The following CLEC12A variants were observed in gnomAD, a reference collection of about 807,000 sequenced individuals.
CLEC12A encodes the protein C-type lectin domain family 12 member A, also known as C-type lectin protein CLL-1.
Under a neutral mutation model 26.5 loss-of-function variants are expected in CLEC12A, and 22 were observed. The observed-to-expected ratio is 0.83, with a 90% CI of 0.59 to 1.19. CLEC12A has a LOEUF of 1.19. Among genes scored for constraint, CLEC12A ranks in the 50% most tolerant of loss-of-function variants. The pLI is 0.00. For missense variants in CLEC12A, 353 were observed against 315.6 expected (o/e 1.12, Z -0.90); for synonymous variants, 119 against 101.9 (o/e 1.17, Z -1.01).
At chr12:9,997,269 C>T (rs761327813), downstream of CLEC12A, 5 of 1,611,036 alleles carry the variant, frequency 3.1e-6, no homozygotes, top group Non-Finnish European at 4.2e-6. Context: ...GGTAATTGCG[C>T]TGCATGACAG....
intron 4 of CLEC12A, chr12:9,992,365 A>C (rs940752349): frequency 1.3e-5 from 2 of 152,224 alleles, no homozygotes; most frequent in East Asian, 1.9e-4. Flanking sequence ...CCAGAGGTAG[A>C]CTTGGAATAG....
At chr12:9,961,131 C>G (rs1454897902) in intron 1 of CLEC12A, among the ~76,000 whole-genome samples, 1 of 152,122 alleles carries the variant, frequency 6.6e-6, no homozygotes, top group Non-Finnish European at 1.5e-5. Flanking sequence ...GGTCTGGAAT[C>G]AATAGAAAAG....
At position 9,990,813 on chromosome 12, in the gene CLEC12A, G is replaced by C. The variant is rs575173544; in HGVS notation, n.1005-4205G>C. 9 of 152,200 alleles carry C rather than the reference G, an allele frequency of 5.9e-5. No individual in the cohort carries two copies. The South Asian group carries it at 1.9e-3, about 32-fold the overall frequency. 9.4% of individuals were successfully genotyped at this position (152,200 alleles called of 1,614,324 possible). A position where few individuals can be genotyped will look rare whatever the true frequency, so the allele number is the denominator to read the frequency against. ...AATTGATGCTACAAACTTCACCATTGTCTTATTTTAAAAATAGCCACATCT... is the reference window on the plus strand; with the variant it reads ...AATTGATGCTACAAACTTCACCATTCTCTTATTTTAAAAATAGCCACATCT... On this transcript the variant is annotated intron_variant and non_coding_transcript_variant, in intron 4 of 4. Coordinates refer to the CLEC12A transcript ENST00000449959.
At position 9,957,490 on chromosome 12, in the gene CLEC12A, C is replaced by CA. The variant is rs58810746; in HGVS notation, c.10+6148dup. 6.8e-3 allele frequency among the ~76,000 whole-genome samples: 851 copies of CA among 124,954 alleles called. 7 individuals carry two copies. Among genetic ancestry groups the CA allele is most frequent in the African/African-American group, 0.02 (698 of 35,744 alleles). The allele number at this position is 124,954 out of a possible 152,430, so 82.0% of individuals were successfully genotyped here. ...GTGATGACAGAGTGAGACTTCATCT[C>CA]AAAAAAAAAAAAAACAAAAAAACAA... is the stretch of plus-strand genomic sequence containing the variant. On this transcript the variant is annotated intron_variant, in intron 1 of 6. Coordinates refer to the CLEC12A transcript ENST00000355690.
chr12:9,952,031 TC>T (rs1863619305), intron 1 of CLEC12A: 1 of 151,468 alleles, frequency 6.6e-6, no homozygotes, highest in Admixed American at 6.6e-5. Context: ...GCTACAGAGT[TC>T]TTTGGAGTCT....
chr12:9,999,634 T>G (rs1865131756), downstream of CLEC12A, among the ~76,000 whole-genome samples: 1 of 152,230 alleles, frequency 6.6e-6, no homozygotes, highest in South Asian at 2.1e-4. Flanking sequence ...CATTCCTGAT[T>G]ATGACCTAGA....
chr12:10,000,183 C>T (rs747227920), downstream of CLEC12A, among the ~76,000 whole-genome samples: 1 of 152,242 alleles, frequency 6.6e-6, no homozygotes. Context: ...AATTTGAATT[C>T]TATTTTTCTT....
rs910674408 is a variant in CLEC12A, at chr12:9,993,088, A to G, written n.1005-1930A>G. The G allele has an allele frequency of 3.3e-6, 5 of 1,523,136 alleles. 1 individual carries two copies. The highest frequency in any genetic ancestry group is 3.7e-5 in the Admixed American group (2 of 53,658). 94.4% of individuals were successfully genotyped at this position (1,523,136 alleles called of 1,614,324 possible). A position where few individuals can be genotyped will look rare whatever the true frequency, so the allele number is the denominator to read the frequency against. On this transcript the variant is annotated intron_variant and non_coding_transcript_variant, in intron 4 of 4. Transcript: ENST00000449959. Reference sequence around the variant, plus strand: ...TTCAGCTACTGATGCATTCATACATATCTTTTATTGTACAATAAAGCCCTT... The same window carrying G: ...TTCAGCTACTGATGCATTCATACATGTCTTTTATTGTACAATAAAGCCCTT...
At chr12:9,958,335 A>G (rs1287190667) in intron 1 of CLEC12A, among the ~76,000 whole-genome samples, 1 of 152,226 alleles carries the variant, frequency 6.6e-6, no homozygotes, top group Non-Finnish European at 1.5e-5. Flanking sequence ...GGTTATTCCC[A>G]AAAGAACAGC....
intron 1 of CLEC12A, among the ~76,000 whole-genome samples, chr12:9,972,995 C>T (rs1052245440): frequency 2.6e-5 from 4 of 152,136 alleles, no homozygotes; most frequent in Non-Finnish European, 5.9e-5. Flanking sequence ...ACAAGAATTC[C>T]CTGAATTCAC....
intron 1 of CLEC12A, chr12:9,953,083 TGG>T (rs1172231135): frequency 7.7e-6 from 1 of 129,350 alleles, no homozygotes; most frequent in African/African-American, 3.2e-5. Context: ...GGGAGGGAGG[TGG>T]GGGGGGTTAG....
intron 5 of CLEC12A, among the ~76,000 whole-genome samples, chr12:9,983,360 A>G (rs1326385880): frequency 6.6e-6 from 1 of 152,196 alleles, no homozygotes; most frequent in Non-Finnish European, 1.5e-5. Context: ...TATAGTATAG[A>G]TAAAATAATT....
At chr12:9,971,123 G>A (rs530755361), upstream of CLEC12A, among the ~76,000 whole-genome samples, 84 of 152,164 alleles carry the variant, frequency 5.5e-4, no homozygotes, top group Middle Eastern at 3.4e-3. Context: ...ATCTATGCCA[G>A]GCCACAGCTG....
At chr12:9,986,229 A>G (rs1864762039), downstream of CLEC12A, 1 of 422,662 alleles carries the variant, frequency 2.4e-6, no homozygotes, top group Non-Finnish European at 4.8e-6. Context: ...TGTGCGTCAG[A>G]ACAGAAAAAG....
chr12:9,976,265 C>T (rs145429536), intron 1 of CLEC12A, among the ~76,000 whole-genome samples: 4 of 152,286 alleles, frequency 2.6e-5, no homozygotes, highest in Non-Finnish European at 5.9e-5. Flanking sequence ...CTTGGAAAAG[C>T]TGCAGACACT....
intron 1 of CLEC12A, among the ~76,000 whole-genome samples, chr12:9,962,248 T>G (rs1451324867): frequency 1.4e-5 from 2 of 146,460 alleles, no homozygotes; most frequent in Non-Finnish European, 3.0e-5. Context: ...TATAACCGGT[T>G]TTTTCTTTTT....
At chr12:9,998,214 G>C, downstream of CLEC12A, 1 of 1,174,916 alleles carries the variant, frequency 8.5e-7, no homozygotes, top group Non-Finnish European at 1.3e-6. Flanking sequence ...GAGAAGCTTA[G>C]TGGGATATGC....
intron 1 of CLEC12A, among the ~76,000 whole-genome samples, chr12:9,953,619 C>T (rs1360558529): frequency 6.6e-6 from 1 of 150,848 alleles, no homozygotes; most frequent in Non-Finnish European, 1.5e-5. Flanking sequence ...CCAGCCGCCC[C>T]GTCCGGGAGG....
At chr12:9,959,301 A>C (rs1863791820) in intron 1 of CLEC12A, among the ~76,000 whole-genome samples, 1 of 152,016 alleles carries the variant, frequency 6.6e-6, no homozygotes. Flanking sequence ...AAATACAAAA[A>C]ATTAGCTGGG....
Sources: gnomAD v4.1 joint callset for allele counts (sites outside exome capture counted in the v4.1 genomes callset) on GRCh38, gnomAD v4.1.1 for gene constraint, MANE v1.5 for transcripts, NCBI Gene and HGNC (gene_info 2026-07-23, HGNC 2026-07-21) for gene names.